The following FAM178B variants were observed in gnomAD, a reference collection of about 807,000 sequenced individuals.
The protein encoded by FAM178B is family with sequence similarity 178 member B, also known as protein FAM178B.
FAM178B carries 82 observed loss-of-function variants against 91.7 expected under a neutral mutation model. That is an observed-to-expected ratio of 0.89 (90% CI 0.75 to 1.07). The LOEUF (loss-of-function observed/expected upper bound fraction) is 1.07. Ranked by LOEUF, FAM178B falls within the 50% of genes least tolerant of loss-of-function variation. FAM178B has a pLI of 0.00. For missense variants in FAM178B, 769 were observed against 846.7 expected, an observed-to-expected ratio of 0.91 and a Z score of 1.14; for synonymous variants, 368 against 359.4, an observed-to-expected ratio of 1.02 and a Z score of -0.27.
At chr2:96,912,919 C>T (rs183223483) in intron 12 of FAM178B, among the ~76,000 whole-genome samples, 106 of 152,240 alleles carry the variant, frequency 7.0e-4, no homozygotes, top group Non-Finnish European at 1.2e-3. Flanking sequence ...CCAACCTGCC[C>T]GAGGGTGGGC....
chr2:96,980,409 A>T (rs2082346820), intron 1 of FAM178B, among the ~76,000 whole-genome samples: 1 of 142,266 alleles, frequency 7.0e-6, no homozygotes, highest in Non-Finnish European at 1.5e-5. Flanking sequence ...TTTTAAAAAG[A>T]ATTTTGGAGA....
chr2:96,931,357 A>G (rs572869894), intron 8 of FAM178B, among the ~76,000 whole-genome samples: 6 of 152,370 alleles, frequency 3.9e-5, no homozygotes, highest in African/African-American at 1.4e-4. Flanking sequence ...AACAGAAGCC[A>G]GATCAAGAAA....
rs1410151105 is a variant in FAM178B at position 96,971,908 on chromosome 2, G to A, written c.557C>T (p.Ala186Val). 1 of 1,493,734 alleles carries A rather than the reference G, an allele frequency of 6.7e-7. No individual in the cohort carries two copies. Among genetic ancestry groups the A allele is most frequent in the Non-Finnish European group, 8.9e-7 (1 of 1,120,954 alleles). The allele number at this position is 1,493,734 out of a possible 1,614,324, so 92.5% of individuals were successfully genotyped here. ...GGGTGGACACAGGCTCACCTCTGGG[G>A]CCGCAGCCTGCTGGCTCAGGCCTGA... ...NTSGLSQQAA[A>V]PEFSWGGSGS... The change falls in exon 3 of 17, where the codon GCC becomes GTC. Residue 186 changes from alanine (A) to valine (V), a missense_variant. Transcript: ENST00000490605.
chr2:96,951,484 G>A lies in FAM178B; in HGVS notation c.888C>T (p.Ser296=), dbSNP rs1442816505. The A allele has an allele frequency of 1.9e-6, 3 of 1,551,314 alleles. No individual in the cohort carries two copies. Among genetic ancestry groups the A allele is most frequent in the Admixed American group, 3.9e-5 (2 of 50,990 alleles). The change falls in exon 7 of 17, where the codon AGC becomes AGT. Residue 296 remains serine (S), a splice_region_variant and synonymous_variant. Coordinates refer to ENST00000490605, the MANE Select transcript of FAM178B (RefSeq NM_001122646.3). The stretch of plus-strand genomic sequence containing the variant: ...AGGAGAGCTGTTGGGCTGGCGGGGA[G>A]CTGGGAGGCAGAGGGCTGAGGTTAG... ...PRSHLEGLFL[S]SPPAQQLSFL...
Position 96,877,902 on chromosome 2 carries a change from G to A in FAM178B, c.1995C>T (p.His665=). The A allele has an allele frequency of 6.2e-7, 1 of 1,613,284 alleles. No individual in the cohort carries two copies. The highest frequency in any genetic ancestry group is 8.5e-7 in the Non-Finnish European group (1 of 1,179,994). The change falls in exon 16 of 17, where the codon CAC becomes CAT. Residue 665 remains histidine (H), a synonymous_variant. Coordinates refer to ENST00000490605, the MANE Select transcript of FAM178B (RefSeq NM_001122646.3). ...GAGGGGGCACCACCTGGGGCTGGCA[G>A]TGGGTCAGCAGCTCCTGCCAACGGA... ...TYIRWQELLT[H]CQPQAQYFSP...
rs1351543427 is a variant in FAM178B, at chr2:96,986,224, G to A, written c.73+17C>T. On this transcript the variant is annotated intron_variant, in intron 1 of 16. Coordinates refer to ENST00000490605, the MANE Select transcript of FAM178B (RefSeq NM_001122646.3). ...TAACCACGCGCCCCTGCGGTTCCTC[G>A]GCCTCAGTTTCCTTACCTGTAAAAT... 6.5e-7 allele frequency: 1 copy of A among 1,534,460 alleles called. No individual in the cohort carries two copies.
At chr2:96,936,791 G>GT (rs2153372276) in intron 8 of FAM178B, among the ~76,000 whole-genome samples, 1 of 152,194 alleles carries the variant, frequency 6.6e-6, no homozygotes, top group African/African-American at 2.4e-5. Context: ...GATTACAGGC[G>GT]TGAGACACCA....
chr2:96,972,717 C>T (rs1020807699), intron 1 of FAM178B, 111 bp from the exon 2 acceptor site: 21 of 927,926 alleles, frequency 2.3e-5, no homozygotes, highest in South Asian at 3.0e-5. Flanking sequence ...CAAGAGGGTC[C>T]GCCCTGAGGA....
intron 14 of FAM178B, among the ~76,000 whole-genome samples, chr2:96,890,415 G>T (rs1029416915): frequency 6.6e-6 from 1 of 152,218 alleles, no homozygotes; most frequent in Non-Finnish European, 1.5e-5. Context: ...AGTGAGCCTT[G>T]ATGGCGCCAC....
At chr2:96,924,726 C>T (rs574033365) in intron 9 of FAM178B, among the ~76,000 whole-genome samples, 1 of 152,340 alleles carries the variant, frequency 6.6e-6, no homozygotes, top group African/African-American at 2.4e-5. Flanking sequence ...TCTGCTGTCT[C>T]ACCCACTTCT....
intron 8 of FAM178B, among the ~76,000 whole-genome samples, chr2:96,935,119 G>C (rs974916029): frequency 1.3e-5 from 2 of 152,124 alleles, no homozygotes; most frequent in African/African-American, 4.8e-5. Context: ...ACTCATATCT[G>C]CTAGAATTAG....
intron 13 of FAM178B, among the ~76,000 whole-genome samples, chr2:96,899,991 C>T (rs1476828326): frequency 6.6e-6 from 1 of 151,848 alleles, no homozygotes; most frequent in Non-Finnish European, 1.5e-5. Context: ...GACACTTCCC[C>T]TCTGCCACTC....
intron 13 of FAM178B, among the ~76,000 whole-genome samples, chr2:96,896,191 G>C (rs1184787034): frequency 6.6e-6 from 1 of 152,190 alleles, no homozygotes; most frequent in African/African-American, 2.4e-5. Context: ...TCCCTGCTAC[G>C]GGAGGCCTGG....
At chr2:96,948,661 A>G (rs1341619511) in intron 7 of FAM178B, among the ~76,000 whole-genome samples, 2 of 152,208 alleles carry the variant, frequency 1.3e-5, no homozygotes, top group Non-Finnish European at 2.9e-5. Context: ...CCTTGTGGGC[A>G]CTGTGGGCAC....
intron 6 of FAM178B, among the ~76,000 whole-genome samples, chr2:96,952,818 CG>C: frequency 6.6e-6 from 1 of 152,200 alleles, no homozygotes; most frequent in Middle Eastern, 3.4e-3. Flanking sequence ...GAAATGAAAA[CG>C]TAAGTCACAT....
At chr2:96,876,883 G>A (rs904218022) in intron 16 of FAM178B, among the ~76,000 whole-genome samples, 14 of 152,120 alleles carry the variant, frequency 9.2e-5, no homozygotes, top group African/African-American at 1.7e-4. Flanking sequence ...AGATGGGGCC[G>A]GAAGGGAGGG....
At chr2:96,974,875 G>C (rs773922417) in intron 1 of FAM178B, among the ~76,000 whole-genome samples, 65 of 151,932 alleles carry the variant, frequency 4.3e-4, no homozygotes, top group Non-Finnish European at 8.1e-4. Context: ...GTTATCACTT[G>C]AGGTCAAGAG....
intron 16 of FAM178B, among the ~76,000 whole-genome samples, chr2:96,876,837 C>A (rs1305264117): frequency 6.6e-6 from 1 of 152,028 alleles, no homozygotes; most frequent in Non-Finnish European, 1.5e-5. Flanking sequence ...AGGGAGGAGA[C>A]CCCGAGCCAG....
At chr2:96,921,951 T>C (rs1243523896) in intron 10 of FAM178B, among the ~76,000 whole-genome samples, 2 of 152,012 alleles carry the variant, frequency 1.3e-5, no homozygotes, top group African/African-American at 2.4e-5. Flanking sequence ...TAGGTATTCT[T>C]ACAGGATGAG....
Sources: gnomAD v4.1 joint callset for allele counts (sites outside exome capture counted in the v4.1 genomes callset) on GRCh38, gnomAD v4.1.1 for gene constraint, MANE v1.5 for transcripts, NCBI Gene and HGNC (gene_info 2026-07-23, HGNC 2026-07-21) for gene names.